The following STX7 variants were observed in gnomAD, a reference collection of about 807,000 sequenced individuals.
STX7 encodes the protein syntaxin 7, also known as syntaxin-7.
Under a neutral mutation model 39.6 loss-of-function variants are expected in STX7, and 34 were observed. That is an observed-to-expected ratio of 0.86 (90% CI 0.65 to 1.14). STX7 has a LOEUF of 1.14. STX7 is among the 50% of genes most tolerant of loss of function. The pLI, the probability that STX7 is intolerant of heterozygous loss-of-function variation, is 0.00. For missense variants in STX7, 284 were observed against 310.4 expected (o/e 0.92, Z 0.64); for synonymous variants, 119 against 99.1 (o/e 1.20, Z -1.19).
At chr6:132,508,220 C>G (rs1237930683) in intron 1 of STX7, among the ~76,000 whole-genome samples, 1 of 152,220 alleles carries the variant, frequency 6.6e-6, no homozygotes, top group Non-Finnish European at 1.5e-5. Flanking sequence ...GGCCTACTCT[C>G]TCTCCCATAA....
Position 132,469,935 on chromosome 6 carries a change from A to T in STX7, c.537+16T>A, listed in dbSNP as rs575733472. ...AAGACCAGAGCAGCAGCCCAAGTCTACAATGTAAGCCTTACTTCAAGTTGC... is the reference window on the plus strand; with the variant it reads ...AAGACCAGAGCAGCAGCCCAAGTCTTCAATGTAAGCCTTACTTCAAGTTGC... On this transcript the variant is annotated intron_variant, in intron 7 of 9. Coordinates refer to ENST00000367941, the MANE Select transcript of STX7 (RefSeq NM_003569.3). 1.9e-6 allele frequency: 3 copies of T among 1,580,550 alleles called. No homozygotes were observed. The African/African-American group carries it at 4.1e-5, about 22-fold the overall frequency.
intron 2 of STX7, among the ~76,000 whole-genome samples, chr6:132,480,571 T>C (rs1005106913): frequency 2.6e-5 from 4 of 152,152 alleles, no homozygotes; most frequent in African/African-American, 7.2e-5. Context: ...GTATGTTGAT[T>C]GAGGTAATTA....
rs1347176352 is a variant in STX7, at chr6:132,467,911, TC to T, written c.610+491del. Reference sequence around the variant, plus strand: ...AAAGAAAATCACTTCTAAAAAGAATTCCTAACTTCTATGTAATACTACTAAA... The same window carrying T: ...AAAGAAAATCACTTCTAAAAAGAATTCTAACTTCTATGTAATACTACTAAA... On this transcript the variant is annotated intron_variant, in intron 8 of 9. Coordinates refer to ENST00000367941, the MANE Select transcript of STX7 (RefSeq NM_003569.3). Among the ~76,000 whole-genome samples, 4 of 152,156 alleles carry T rather than the reference TC, an allele frequency of 2.6e-5. No individual in the cohort carries two copies. In the East Asian group the frequency reaches 7.7e-4, roughly 29 times the overall value.
At chr6:132,463,085 G>T (rs9493326) in intron 9 of STX7, among the ~76,000 whole-genome samples, 1 of 151,800 alleles carries the variant, frequency 6.6e-6, no homozygotes, top group Non-Finnish European at 1.5e-5. Context: ...AGCCAGGCGT[G>T]GGGGTACACA....
At chr6:132,463,116 A>G (rs2114353188) in intron 9 of STX7, among the ~76,000 whole-genome samples, 1 of 152,126 alleles carries the variant, frequency 6.6e-6, no homozygotes, top group South Asian at 2.1e-4. Flanking sequence ...GGCTGAGGCA[A>G]GAGAATGTCT....
chr6:132,503,535 G>C lies in STX7; in HGVS notation c.-5C>G. 1 of 1,612,982 alleles carries C rather than the reference G, an allele frequency of 6.2e-7. No individual in the cohort carries two copies. Among genetic ancestry groups the C allele is most frequent in the Non-Finnish European group, 8.5e-7 (1 of 1,179,166 alleles). Reference sequence around the variant, plus strand: ...AACTCCTGGAGTGTAAGACATGGTTGATGTTCTTATTCGCTAATTTCATCA... The same window carrying C: ...AACTCCTGGAGTGTAAGACATGGTTCATGTTCTTATTCGCTAATTTCATCA... On this transcript the variant is annotated 5_prime_UTR_variant, in exon 2 of 10. In the 5' UTR this introduces an upstream ATG that the reference lacks. Transcript: ENST00000367941.
At chr6:132,485,680 G>A (rs1167309798) in intron 2 of STX7, among the ~76,000 whole-genome samples, 3 of 152,152 alleles carry the variant, frequency 2.0e-5, no homozygotes. Context: ...CACTTGGTAT[G>A]CTCCGTCTTT....
intron 2 of STX7, among the ~76,000 whole-genome samples, chr6:132,477,829 A>T (rs888807519): frequency 1.3e-5 from 2 of 152,212 alleles, no homozygotes; most frequent in Admixed American, 1.3e-4. Flanking sequence ...GTTAAACTAC[A>T]ATGGTAATTA....
At chr6:132,467,183 C>T (rs1249044516) in intron 8 of STX7, among the ~76,000 whole-genome samples, 1 of 152,174 alleles carries the variant, frequency 6.6e-6, no homozygotes, top group East Asian at 1.9e-4. Context: ...AATCTTCCTA[C>T]CTGACATCAT....
At position 132,472,207 on chromosome 6, in the gene STX7, C is replaced by G. The variant is rs1774739525; in HGVS notation, c.249+75G>C. ...TAGCATAATTTCCTTTCTAGCGTAA[C>G]AGTTCAAAGATCCTACAGTGCACTG... is the stretch of plus-strand genomic sequence containing the variant. On this transcript the variant is annotated intron_variant, in intron 4 of 9. Transcript: ENST00000367941. The G allele has an allele frequency of 6.5e-6, 7 of 1,069,278 alleles. No individual in the cohort carries two copies. The Admixed American group carries it at 1.3e-4, about 19-fold the overall frequency. 66.2% of individuals were successfully genotyped at this position (1,069,278 alleles called of 1,614,324 possible).
At position 132,447,792 on chromosome 6, in the gene STX7, T is replaced by C. The variant is rs902969766; in HGVS notation, c.*12966A>G. 6.6e-6 allele frequency: 1 copy of C among 152,148 alleles called. No homozygotes were observed. Among genetic ancestry groups the C allele is most frequent in the African/African-American group, 2.4e-5 (1 of 41,456 alleles). 9.4% of individuals were successfully genotyped at this position (152,148 alleles called of 1,614,324 possible). A position where few individuals can be genotyped will look rare whatever the true frequency, so the allele number is the denominator to read the frequency against. ...TTCTCTGTCCTTGTACTGTCTTTTG[T>C]AAACTGTATATATTGAACAAGGTAG... On this transcript the variant is annotated 3_prime_UTR_variant, in exon 10 of 10. Coordinates refer to ENST00000367941, the MANE Select transcript of STX7 (RefSeq NM_003569.3).
At chr6:132,474,907 T>C (rs1452349657) in intron 3 of STX7, among the ~76,000 whole-genome samples, 1 of 152,162 alleles carries the variant, frequency 6.6e-6, no homozygotes, top group African/African-American at 2.4e-5. Flanking sequence ...GATGTAGGTA[T>C]AAACTTGTGG....
chr6:132,471,698 T>TA, intron 4 of STX7, 98 bp from the exon 5 acceptor site: 1 of 1,382,248 alleles, frequency 7.2e-7, no homozygotes, highest in Non-Finnish European at 9.9e-7. Context: ...AGTTTTCACT[T>TA]ACTCCCCAAT....
chr6:132,507,804 T>C (rs1223053292), intron 1 of STX7, among the ~76,000 whole-genome samples: 2 of 152,210 alleles, frequency 1.3e-5, no homozygotes, highest in Admixed American at 6.5e-5. Context: ...AACAAACACA[T>C]TGAATGAAAA....
intron 2 of STX7, among the ~76,000 whole-genome samples, chr6:132,482,298 T>C (rs1486342961): frequency 6.6e-5 from 10 of 152,176 alleles, no homozygotes; most frequent in Admixed American, 6.5e-4. Context: ...ATTAATTTGG[T>C]TGCATTCCTT....
At chr6:132,467,006 C>G (rs1475244049) in intron 8 of STX7, among the ~76,000 whole-genome samples, 1 of 152,156 alleles carries the variant, frequency 6.6e-6, no homozygotes, top group African/African-American at 2.4e-5. Flanking sequence ...CCATCCTAAT[C>G]CAAGCCAACA....
At chr6:132,491,746 T>A (rs1022036841) in intron 2 of STX7, among the ~76,000 whole-genome samples, 2 of 152,034 alleles carry the variant, frequency 1.3e-5, no homozygotes, top group Non-Finnish European at 2.9e-5. Flanking sequence ...GAACTGTCAC[T>A]CTTCCATAAT....
chr6:132,505,180 G>A (rs1466320199), intron 1 of STX7, among the ~76,000 whole-genome samples: 1 of 152,178 alleles, frequency 6.6e-6, no homozygotes, highest in African/African-American at 2.4e-5. Flanking sequence ...TTAAGTAATG[G>A]TAACCCAACC....
chr6:132,470,676 A>C (rs777517678), intron 5 of STX7, 50 bp from the exon 6 acceptor site: 2 of 1,334,436 alleles, frequency 1.5e-6, no homozygotes, highest in Non-Finnish European at 2.1e-6. Flanking sequence ...AAAAAGCAAA[A>C]ATGAGAAAAA....
Sources: gnomAD v4.1 joint callset for allele counts (sites outside exome capture counted in the v4.1 genomes callset) on GRCh38, gnomAD v4.1.1 for gene constraint, MANE v1.5 for transcripts, NCBI Gene and HGNC (gene_info 2026-07-23, HGNC 2026-07-21) for gene names.